The following SNRPN variants were observed in gnomAD, a reference collection of about 807,000 sequenced individuals.
SNRPN encodes the protein small nuclear ribonucleoprotein-associated protein N.
A neutral mutation model predicts 25.2 loss-of-function variants in SNRPN; 7 were observed. The ratio of observed to expected loss-of-function variants is 0.28; its 90% CI spans 0.16 to 0.52. The LOEUF (loss-of-function observed/expected upper bound fraction) is 0.52, where lower values mean the gene tolerates loss of function less well. Among genes scored for constraint, SNRPN ranks in the 20% least tolerant of loss-of-function variants. The pLI, the probability that SNRPN is intolerant of heterozygous loss-of-function variation, is 0.96. For missense variants in SNRPN, 196 were observed against 322.5 expected, an observed-to-expected ratio of 0.61 and a Z score of 3.00; for synonymous variants, 124 against 110.6, an observed-to-expected ratio of 1.12 and a Z score of -0.76.
At chr15:24,955,177 T>G in intron 1 of SNRPN, 115 bp downstream of exon 1, 14 of 1,380,412 alleles carry the variant, frequency 1.0e-5, no homozygotes, top group African/African-American at 4.3e-5. Flanking sequence ...ATTTGGGCCC[T>G]AAAGTCCTTT....
At chr15:24,848,720 A>T (rs1016707799) in intron 2 of SNRPN, 23 of 152,016 alleles carry the variant, frequency 1.5e-4, no homozygotes, top group African/African-American at 5.6e-4. Flanking sequence ...TCATTTGTGT[A>T]TTGGCCTTAA....
chr15:24,917,260 T>A (rs1020417703), intron 2 of SNRPN, among the ~76,000 whole-genome samples: 1 of 152,152 alleles, frequency 6.6e-6, no homozygotes, highest in African/African-American at 2.4e-5. Flanking sequence ...ATAGAAGAAA[T>A]GAACATTTCC....
chr15:24,902,581 T>C (rs2058532249), intron 2 of SNRPN, among the ~76,000 whole-genome samples: 1 of 152,110 alleles, frequency 6.6e-6, no homozygotes, highest in Non-Finnish European at 1.5e-5. Flanking sequence ...TTCTTAAAGA[T>C]GGTGTGTCCA....
chr15:24,824,760 G>A (rs954186110), intron 1 of SNRPN, among the ~76,000 whole-genome samples: 3 of 151,674 alleles, frequency 2.0e-5, no homozygotes, highest in Non-Finnish European at 4.4e-5. Context: ...CTCATATATC[G>A]TTTGTATGAG....
chr15:24,918,797 T>C (rs868751680), intron 2 of SNRPN, among the ~76,000 whole-genome samples: 1 of 73,228 alleles, frequency 1.4e-5, no homozygotes, highest in African/African-American at 5.5e-5. Context: ...TGTGTGCATA[T>C]ATATATATAA....
chr15:24,882,619 G>A (rs1356748617), intron 1 of SNRPN, among the ~76,000 whole-genome samples: 1 of 151,978 alleles, frequency 6.6e-6, no homozygotes, highest in African/African-American at 2.4e-5. Context: ...GAGGTCAGGA[G>A]TTCGAGACCA....
intron 2 of SNRPN, among the ~76,000 whole-genome samples, chr15:24,900,780 T>G (rs1007329867): frequency 6.6e-6 from 1 of 152,156 alleles, no homozygotes; most frequent in Admixed American, 6.6e-5. Context: ...TTAATTAATC[T>G]CAGTGCTATT....
At chr15:24,916,249 C>T (rs118180424) in intron 2 of SNRPN, among the ~76,000 whole-genome samples, 5,087 of 152,132 alleles carry the variant, frequency 0.033, 101 homozygotes, top group Non-Finnish European at 0.044. Flanking sequence ...CGTGAGCCAC[C>T]GCGCCCAGCC....
At chr15:24,947,458 G>A (rs1238064594) in intron 3 of SNRPN, among the ~76,000 whole-genome samples, 3 of 152,088 alleles carry the variant, frequency 2.0e-5, no homozygotes, top group East Asian at 1.9e-4. Context: ...GTGAATCCCC[G>A]TCTCTACTAA....
rs2060629521 is a variant in SNRPN, at chr15:24,929,204, T to C, written c.-391+9080T>C. Among the ~76,000 whole-genome samples the C allele has an allele frequency of 2.0e-5, 3 of 152,294 alleles. No homozygotes were observed. In the South Asian group the frequency reaches 6.2e-4, roughly 32 times the overall value. ...GTATGTGTATATATATCTTCATGTA[T>C]TTATAGTGATATTTTCCATCCCAAT... On this transcript the variant is annotated intron_variant, in intron 3 of 11. Transcript: ENST00000400097. The surrounding 1 kb of genome is among the most constrained non-coding windows in gnomAD (Gnocchi z 5.3).
At chr15:24,939,594 G>T (rs912227341) in intron 3 of SNRPN, among the ~76,000 whole-genome samples, 2 of 151,744 alleles carry the variant, frequency 1.3e-5, no homozygotes, top group Non-Finnish European at 2.9e-5. Flanking sequence ...CACCATGCCT[G>T]GTCAATTTTT....
At chr15:24,885,615 T>C (rs1263073563) in intron 1 of SNRPN, among the ~76,000 whole-genome samples, 3 of 152,104 alleles carry the variant, frequency 2.0e-5, no homozygotes, top group African/African-American at 4.8e-5. Context: ...CTCTGCAACA[T>C]TGTATCATTT....
chr15:24,844,790 C>T (rs1173878027), intron 2 of SNRPN, among the ~76,000 whole-genome samples: 3 of 152,196 alleles, frequency 2.0e-5, no homozygotes, highest in Admixed American at 2.0e-4. Flanking sequence ...TCTCAAAGTG[C>T]TGGGATTACA....
upstream of SNRPN, among the ~76,000 whole-genome samples, chr15:24,852,992 A>G (rs762544200): frequency 6.6e-6 from 1 of 152,166 alleles, no homozygotes; most frequent in Non-Finnish European, 1.5e-5. Context: ...AAATCAGGTA[A>G]TGACAAATAG....
At chr15:24,967,808 G>GGA (rs1566966072) in intron 2 of SNRPN, 124 bp from the exon 3 acceptor site, 2 of 491,526 alleles carry the variant, frequency 4.1e-6, no homozygotes, top group African/African-American at 2.7e-5. Context: ...ACCCTGTCTG[G>GGA]AAAAAAAAAA....
At chr15:24,918,031 G>C (rs78604195) in intron 2 of SNRPN, among the ~76,000 whole-genome samples, 5,072 of 152,088 alleles carry the variant, frequency 0.033, 100 homozygotes, top group Non-Finnish European at 0.043. Context: ...TTAAAATATT[G>C]TGTTGTCTTT....
chr15:24,870,906 A>T (rs1377367589), intron 1 of SNRPN, among the ~76,000 whole-genome samples: 1 of 150,124 alleles, frequency 6.7e-6, no homozygotes, highest in Admixed American at 6.7e-5. Flanking sequence ...TTTGAGATAG[A>T]GTCTCACTCT....
At chr15:24,858,657 C>T (rs1397198516) in intron 1 of SNRPN, among the ~76,000 whole-genome samples, 2 of 151,750 alleles carry the variant, frequency 1.3e-5, no homozygotes, top group African/African-American at 2.4e-5. Flanking sequence ...AAAAATTAGC[C>T]GGGCATGCTG....
At chr15:24,892,091 G>A (rs1412774548) in intron 2 of SNRPN, among the ~76,000 whole-genome samples, 2 of 152,196 alleles carry the variant, frequency 1.3e-5, no homozygotes, top group African/African-American at 4.8e-5. Flanking sequence ...TTTGAAGGCT[G>A]TGGACTAAAT....
Sources: gnomAD v4.1 joint callset for allele counts (sites outside exome capture counted in the v4.1 genomes callset) on GRCh38, gnomAD v4.1.1 for gene constraint, Gnocchi (gnomAD v3.1) non-coding constraint, MANE v1.5 for transcripts, NCBI Gene and HGNC (gene_info 2026-07-23, HGNC 2026-07-21) for gene names.